The following CAMK4 variants were observed in gnomAD, a reference collection of about 807,000 sequenced individuals.
The protein encoded by CAMK4 is calcium/calmodulin dependent protein kinase IV.
In CAMK4, 22 loss-of-function variants were observed where a neutral mutation model predicts 44.9. That is an observed-to-expected ratio of 0.49 (90% CI 0.35 to 0.70). The LOEUF (loss-of-function observed/expected upper bound fraction) is 0.70. Among genes scored for constraint, CAMK4 ranks in the 30% least tolerant of loss-of-function variants. The pLI is 0.01. For synonymous variants in CAMK4, 218 were observed against 215.4 expected, an observed-to-expected ratio of 1.01 and a Z score of -0.11; for missense variants, 498 against 586.8, an observed-to-expected ratio of 0.85 and a Z score of 1.56.
At chr5:111,321,403 T>C (rs564244108) in intron 1 of CAMK4, among the ~76,000 whole-genome samples, 4 of 151,648 alleles carry the variant, frequency 2.6e-5, no homozygotes, top group African/African-American at 9.8e-5. Context: ...ATCTGTTTGC[T>C]AAATAAGCCA....
intron 1 of CAMK4, among the ~76,000 whole-genome samples, chr5:111,280,066 A>C (rs532694775): frequency 9.4e-4 from 143 of 152,330 alleles, no homozygotes; most frequent in Non-Finnish European, 1.6e-3. Context: ...ATAGTTTGTA[A>C]GTAAAAACAT....
chr5:111,299,044 G>T (rs1047639126), intron 1 of CAMK4, among the ~76,000 whole-genome samples: 7 of 152,212 alleles, frequency 4.6e-5, no homozygotes, highest in Non-Finnish European at 8.8e-5. Flanking sequence ...TCTTTGTATT[G>T]TTGTCGTGGG....
intron 1 of CAMK4, among the ~76,000 whole-genome samples, chr5:111,252,057 C>T (rs1188736699): frequency 6.6e-6 from 1 of 152,178 alleles, no homozygotes; most frequent in East Asian, 1.9e-4. Flanking sequence ...CAGAAAGCAT[C>T]TGGGCTAGGG....
intron 5 of CAMK4, among the ~76,000 whole-genome samples, chr5:111,405,632 A>G (rs923113494): frequency 6.6e-6 from 1 of 152,270 alleles, no homozygotes; most frequent in Non-Finnish European, 1.5e-5. Context: ...AGTAAGGTAC[A>G]TATTGTGAGA....
chr5:111,312,524 G>T (rs1334441013), intron 1 of CAMK4, among the ~76,000 whole-genome samples: 1 of 152,068 alleles, frequency 6.6e-6, no homozygotes, highest in Non-Finnish European at 1.5e-5. Context: ...ACCTGAATTT[G>T]TTCATGTTTT....
chr5:111,343,346 T>G (rs1363916407), intron 1 of CAMK4, among the ~76,000 whole-genome samples: 2 of 151,788 alleles, frequency 1.3e-5, no homozygotes, highest in African/African-American at 4.8e-5. Flanking sequence ...CTTTCTGAAG[T>G]TGAAGTGTAA....
intron 7 of CAMK4, 44 bp downstream of exon 7, chr5:111,449,247 A>C: frequency 1.1e-6 from 1 of 895,804 alleles, no homozygotes; most frequent in Non-Finnish European, 1.7e-6. Flanking sequence ...TGTTATTTGA[A>C]ATGTATTTTT....
At chr5:111,328,647 G>A (rs1580599297) in intron 1 of CAMK4, among the ~76,000 whole-genome samples, 1 of 152,154 alleles carries the variant, frequency 6.6e-6, no homozygotes, top group African/African-American at 2.4e-5. Context: ...CCATGAGCAT[G>A]GAATGTTCTT....
chr5:111,252,245 C>T (rs749750003), intron 1 of CAMK4, among the ~76,000 whole-genome samples: 2 of 152,178 alleles, frequency 1.3e-5, no homozygotes, highest in Non-Finnish European at 2.9e-5. Flanking sequence ...CTTCAGCTGA[C>T]TTGAGTGGGG....
chr5:111,376,307 C>A lies in CAMK4; in HGVS notation c.304-553C>A, dbSNP rs138256993. On this transcript the variant is annotated intron_variant, in intron 3 of 10. Coordinates refer to ENST00000282356, the MANE Select transcript of CAMK4 (RefSeq NM_001744.6). ...TGGATTAGCTGAATGTGATGAAGACCATGGTATGCTCAATCAAGTCACTGT... is the reference window on the plus strand; with the variant it reads ...TGGATTAGCTGAATGTGATGAAGACAATGGTATGCTCAATCAAGTCACTGT... Among the ~76,000 whole-genome samples, 792 of 151,838 alleles carry A rather than the reference C, an allele frequency of 5.2e-3. 7 individuals are homozygous for A. Among genetic ancestry groups the A allele is most frequent in the African/African-American group, 0.018 (732 of 41,414 alleles).
intron 5 of CAMK4, among the ~76,000 whole-genome samples, chr5:111,439,300 G>T (rs1244222747): frequency 6.6e-6 from 1 of 152,156 alleles, no homozygotes; most frequent in East Asian, 1.9e-4. Context: ...GCTGGAAATT[G>T]GGAAGCTGAC....
intron 1 of CAMK4, among the ~76,000 whole-genome samples, chr5:111,320,512 G>A (rs1364765515): frequency 3.3e-5 from 5 of 151,922 alleles, no homozygotes; most frequent in East Asian, 1.9e-4. Flanking sequence ...TTGTTTGTTC[G>A]TTTGTTTGCT....
At chr5:111,332,941 T>C (rs1439929365) in intron 1 of CAMK4, among the ~76,000 whole-genome samples, 1 of 151,622 alleles carries the variant, frequency 6.6e-6, no homozygotes, top group African/African-American at 2.4e-5. Flanking sequence ...TGTGGTATAT[T>C]CGTTGAGTGG....
chr5:111,256,057 T>G (rs1028965043), intron 1 of CAMK4, among the ~76,000 whole-genome samples: 3 of 152,142 alleles, frequency 2.0e-5, no homozygotes, highest in Non-Finnish European at 2.9e-5. Context: ...ACTGGATATC[T>G]CACAAAAATG....
intron 5 of CAMK4, among the ~76,000 whole-genome samples, chr5:111,440,941 C>T (rs1268665671): frequency 6.6e-6 from 1 of 152,166 alleles, no homozygotes; most frequent in African/African-American, 2.4e-5. Context: ...ATATCTACTA[C>T]ATGCTCATAA....
At chr5:111,280,186 G>A (rs189195858) in intron 1 of CAMK4, among the ~76,000 whole-genome samples, 42 of 151,940 alleles carry the variant, frequency 2.8e-4, no homozygotes, top group African/African-American at 1.0e-3. Context: ...ATCACAGTAA[G>A]AGGGATTATT....
chr5:111,341,677 C>G (rs1017435413), intron 1 of CAMK4, among the ~76,000 whole-genome samples: 1 of 150,988 alleles, frequency 6.6e-6, no homozygotes, highest in Non-Finnish European at 1.5e-5. Flanking sequence ...CTTACATAGA[C>G]CTTACTGTGC....
intron 1 of CAMK4, among the ~76,000 whole-genome samples, chr5:111,343,184 T>C (rs1749714939): frequency 6.6e-6 from 1 of 151,762 alleles, no homozygotes; most frequent in African/African-American, 2.4e-5. Context: ...TAAAAATGTG[T>C]TGCCTTTAGA....
At position 111,494,497 on chromosome 5, in the gene CAMK4, G is replaced by A. The variant is rs1426233405; in HGVS notation, c.*10031G>A. The A allele has an allele frequency of 2.0e-5, 3 of 152,068 alleles. No homozygotes were observed. The highest frequency in any genetic ancestry group is 7.2e-5 in the African/African-American group (3 of 41,414). 9.4% of individuals were successfully genotyped at this position (152,068 alleles called of 1,614,324 possible). On this transcript the variant is annotated 3_prime_UTR_variant, in exon 11 of 11. Coordinates refer to ENST00000282356, the MANE Select transcript of CAMK4 (RefSeq NM_001744.6). ...TAGAGCTACAGTATTCTTCAATGGT[G>A]GTGACTGACCAGTGAGTTTCTACTT...
Sources: allele counts gnomAD v4.1 joint callset (sites outside exome capture counted in the v4.1 genomes callset), GRCh38; gene constraint gnomAD v4.1.1; transcripts MANE v1.5; gene names NCBI Gene and HGNC (gene_info 2026-07-23, HGNC 2026-07-21).